Variants in MPV17 observed in about 807,000 individuals in gnomAD.
MPV17 encodes the protein mitochondrial inner membrane protein MPV17.
In MPV17, 31 loss-of-function variants were observed where a neutral mutation model predicts 28.6. That is an observed-to-expected ratio of 1.08 (90% CI 0.81 to 1.46). The LOEUF (loss-of-function observed/expected upper bound fraction) is 1.46. MPV17 is among the 40% of genes most tolerant of loss of function. The pLI is 0.00. For synonymous variants in MPV17, 87 were observed against 85.3 expected, an observed-to-expected ratio of 1.02 and a Z score of -0.11; for missense variants, 198 against 216.2, an observed-to-expected ratio of 0.92 and a Z score of 0.53.
chr2:27,318,610 G>A (rs1035519396), intron 2 of MPV17, among the ~76,000 whole-genome samples: 15 of 150,960 alleles, frequency 9.9e-5, no homozygotes, highest in East Asian at 2.0e-4. Context: ...TGCCTGCCTC[G>A]GCCTCCCAAA....
At chr2:27,320,367 G>A (rs1216962485) in intron 2 of MPV17, among the ~76,000 whole-genome samples, 9 of 147,818 alleles carry the variant, frequency 6.1e-5, no homozygotes, top group Non-Finnish European at 8.9e-5. Context: ...ATGGAGTTTC[G>A]CTCTTGTTGC....
intron 1 of MPV17, 144 bp downstream of exon 1, chr2:27,322,908 G>T (rs183190095): frequency 4.0e-5 from 13 of 328,280 alleles, no homozygotes; most frequent in Non-Finnish European, 7.0e-5. Context: ...GACTTGGTTG[G>T]AACCAGTTTG....
rs776344322 is a variant in MPV17 at position 27,312,392 on chromosome 2, C to G, written c.375+102G>C. ...CTCCTCTCCTCCATGGCCTGGGGCC[C>G]TACCTGCACTTACCCCCTTTTTTAT... On this transcript the variant is annotated intron_variant, in intron 5 of 7. Transcript: ENST00000380044. 2.8e-6 allele frequency: 4 copies of G among 1,447,574 alleles called. No individual in the cohort carries two copies. In the African/African-American group the frequency reaches 5.6e-5, roughly 20 times the overall value. 89.7% of individuals were successfully genotyped at this position (1,447,574 alleles called of 1,614,324 possible). A position where few individuals can be genotyped will look rare whatever the true frequency, so the allele number is the denominator to read the frequency against.
intron 5 of MPV17, 89 bp downstream of exon 5, chr2:27,312,405 C>G: frequency 6.7e-7 from 1 of 1,481,914 alleles, no homozygotes; most frequent in Middle Eastern, 1.7e-4. Context: ...CCTGCACTTA[C>G]CCCCTTTTTT....
chr2:27,319,567 C>T (rs939901205), intron 2 of MPV17, among the ~76,000 whole-genome samples: 3 of 149,466 alleles, frequency 2.0e-5, no homozygotes, highest in African/African-American at 7.4e-5. Context: ...GTTTATTGTG[C>T]CTGTGTTGCC....
chr2:27,313,351 C>A, intron 2 of MPV17: 1 of 806,176 alleles, frequency 1.2e-6, no homozygotes, highest in Admixed American at 2.6e-5. Flanking sequence ...AGGAACTTTG[C>A]ATTGAGCAGT....
Position 27,312,737 on chromosome 2 carries a change from A to G in MPV17, c.222T>C (p.Asp74=). ...CTTTGGTGGTGCCAGGGATGAACCG[A>G]TCCAAAACCTTGTACCAGCCTCCTA... is the stretch of plus-strand genomic sequence containing the variant. ...PVVGGWYKVL[D]RFIPGTTKVD... is the part of the protein sequence containing the mutation. The change falls in exon 4 of 8, where the codon GAT becomes GAC. Residue 74 remains aspartate (D), a synonymous_variant. Coordinates refer to ENST00000380044, the MANE Select transcript of MPV17 (RefSeq NM_002437.5). 1.2e-6 allele frequency: 2 copies of G among 1,614,186 alleles called. No homozygotes were observed. Among genetic ancestry groups the G allele is most frequent in the Non-Finnish European group, 1.7e-6 (2 of 1,180,040 alleles).
intron 2 of MPV17, chr2:27,315,899 A>G: frequency 3.5e-6 from 5 of 1,425,996 alleles, no homozygotes; most frequent in Non-Finnish European, 4.6e-6. Flanking sequence ...GAGAGATGAG[A>G]TGACTTGGTA....
At chr2:27,313,246 A>G in intron 2 of MPV17, 137 bp from the exon 3 acceptor site, 1 of 1,541,770 alleles carries the variant, frequency 6.5e-7, no homozygotes, top group Non-Finnish European at 8.8e-7. Flanking sequence ...ACAAATGACT[A>G]GTCCCTTCCT....
chr2:27,316,426 C>T (rs561010864), intron 2 of MPV17, among the ~76,000 whole-genome samples: 1 of 152,218 alleles, frequency 6.6e-6, no homozygotes, highest in South Asian at 2.1e-4. Context: ...TGTAGATCTG[C>T]AGTCCCTGAC....
chr2:27,312,088 C>T, intron 6 of MPV17, 126 bp downstream of exon 6: 1 of 1,449,900 alleles, frequency 6.9e-7, no homozygotes. Context: ...ATTTATGGTG[C>T]CCATCCTGGG....
Position 27,317,048 on chromosome 2 carries a change from C to G in MPV17, c.71-3939G>C. 6.5e-7 allele frequency: 1 copy of G among 1,532,176 alleles called. No homozygotes were observed. The highest frequency in any genetic ancestry group is 1.2e-5 in the South Asian group (1 of 81,700). 94.9% of individuals were successfully genotyped at this position (1,532,176 alleles called of 1,614,324 possible). On this transcript the variant is annotated intron_variant, in intron 2 of 7. Transcript: ENST00000380044. The surrounding 1 kb of genome is among the most constrained non-coding windows in gnomAD (Gnocchi z 4.0). ...CCCGGGCATGGGCAGGGTAAATTCC[C>G]TACTTCTCCTATTTTGTTCCTCTAC...
intron 2 of MPV17, chr2:27,316,707 G>C (rs1026243231): frequency 4.3e-6 from 1 of 229,998 alleles, no homozygotes; most frequent in Non-Finnish European, 8.5e-6. Flanking sequence ...ACTCTCCAGT[G>C]CTCTGGGCCC....
In MPV17 at chr2:27,323,046, A is replaced by C; in HGVS notation, c.-6+6T>G. On this transcript the variant is annotated splice_donor_region_variant and intron_variant, in intron 1 of 7. Coordinates refer to ENST00000380044, the MANE Select transcript of MPV17 (RefSeq NM_002437.5). ...AGCCAGAGACCGCAGATCACCCGCCACTCACCTGAGCGCCGAGCCTCCCTC... is the reference window on the plus strand; with the variant it reads ...AGCCAGAGACCGCAGATCACCCGCCCCTCACCTGAGCGCCGAGCCTCCCTC... 6.1e-6 allele frequency: 1 copy of C among 163,202 alleles called. No homozygotes were observed. The highest frequency in any genetic ancestry group is 1.4e-5 in the Non-Finnish European group (1 of 73,388). 10.1% of individuals were successfully genotyped at this position (163,202 alleles called of 1,614,324 possible). A position where few individuals can be genotyped will look rare whatever the true frequency, so the allele number is the denominator to read the frequency against.
chr2:27,316,331 G>A (rs534779556), intron 2 of MPV17: 19 of 1,006,968 alleles, frequency 1.9e-5, no homozygotes, highest in Middle Eastern at 2.1e-4. Flanking sequence ...CTTGGAGAAA[G>A]ATGGATTCAA....
chr2:27,310,763 GA>G (rs896056618), intron 7 of MPV17, among the ~76,000 whole-genome samples: 3 of 151,582 alleles, frequency 2.0e-5, no homozygotes, highest in African/African-American at 7.3e-5. Context: ...GGTTTTTTTT[GA>G]GACGGAGTCT....
chr2:27,321,543 G>A (rs930176725), intron 2 of MPV17, among the ~76,000 whole-genome samples: 3 of 152,100 alleles, frequency 2.0e-5, no homozygotes, highest in African/African-American at 7.2e-5. Context: ...TCTAAACATG[G>A]GCAAGACCTC....
intron 2 of MPV17, among the ~76,000 whole-genome samples, chr2:27,318,258 G>C (rs1679729681): frequency 6.6e-6 from 1 of 151,936 alleles, no homozygotes; most frequent in Non-Finnish European, 1.5e-5. Flanking sequence ...AGCAGAGATG[G>C]GGTTTCACCT....
chr2:27,319,020 C>T (rs924699220), intron 2 of MPV17, among the ~76,000 whole-genome samples: 5 of 152,204 alleles, frequency 3.3e-5, no homozygotes, highest in African/African-American at 7.2e-5. Context: ...CCACCTCAGC[C>T]TCCCAAAGTG....
Sources: gnomAD v4.1 joint callset for allele counts (sites outside exome capture counted in the v4.1 genomes callset) on GRCh38, gnomAD v4.1.1 for gene constraint, Gnocchi (gnomAD v3.1) non-coding constraint, MANE v1.5 for transcripts, NCBI Gene and HGNC (gene_info 2026-07-23, HGNC 2026-07-21) for gene names.